CABYR: variants seen among roughly 807,000 people sequenced by gnomAD.
CABYR encodes the protein calcium binding tyrosine phosphorylation regulated, also known as calcium-binding tyrosine phosphorylation-regulated protein.
CABYR carries 31 observed loss-of-function variants against 36.1 expected under a neutral mutation model. The observed-to-expected ratio is 0.86, with a 90% CI of 0.64 to 1.16. The LOEUF (loss-of-function observed/expected upper bound fraction) is 1.16, where lower values mean the gene tolerates loss of function less well. CABYR is among the 50% of genes most tolerant of loss of function. The probability of loss-of-function intolerance (pLI) is 0.00; values close to 1 mark genes in which losing one functional copy is unlikely to be tolerated. For missense variants in CABYR, 429 were observed against 455.8 expected, an observed-to-expected ratio of 0.94 and a Z score of 0.53; for synonymous variants, 146 against 160.7, an observed-to-expected ratio of 0.91 and a Z score of 0.69.
intron 1 of CABYR, among the ~76,000 whole-genome samples, 196 bp downstream of exon 1, chr18:24,139,314 GGTGGGTCCGTCGCCCGCCTCTCTTGGACA>G (rs1406663181): frequency 6.6e-6 from 1 of 152,152 alleles, no homozygotes; most frequent in Non-Finnish European, 1.5e-5. Context: ...CTGAGGCCTC[GGTGGGTCCGTCGCCCGCCTCTCTTGGACA>G]AGTCCAGGCG....
At chr18:24,150,060 G>A (rs1232068408) in intron 3 of CABYR, among the ~76,000 whole-genome samples, 2 of 152,260 alleles carry the variant, frequency 1.3e-5, no homozygotes, top group Non-Finnish European at 1.5e-5. Flanking sequence ...CCAGGCAGAG[G>A]AGGCGCCAAG....
At chr18:24,142,123 C>T (rs2145850696) in intron 1 of CABYR, among the ~76,000 whole-genome samples, 1 of 152,202 alleles carries the variant, frequency 6.6e-6, no homozygotes, top group East Asian at 1.9e-4. Flanking sequence ...AGTTCAAGAC[C>T]AGCCTGGCCA....
At chr18:24,145,021 G>C (rs1286126841) in intron 3 of CABYR, among the ~76,000 whole-genome samples, 1 of 152,096 alleles carries the variant, frequency 6.6e-6, no homozygotes, top group Non-Finnish European at 1.5e-5. Context: ...TCATTTCATA[G>C]ACCTCATGTG....
At chr18:24,141,521 C>G (rs151120289) in intron 1 of CABYR, among the ~76,000 whole-genome samples, 73 of 152,252 alleles carry the variant, frequency 4.8e-4, no homozygotes, top group African/African-American at 1.7e-3. Context: ...ATTTAACCAC[C>G]TATCTCCTAT....
intron 3 of CABYR, chr18:24,150,486 T>C (rs751881022): frequency 6.3e-5 from 31 of 493,406 alleles, no homozygotes; most frequent in Non-Finnish European, 7.9e-5. Flanking sequence ...ATCATCTGCC[T>C]GTATCCTTAA....
At chr18:24,142,180 C>T (rs60696159) in intron 1 of CABYR, among the ~76,000 whole-genome samples, 35,683 of 151,708 alleles carry the variant, frequency 0.24, 4,646 homozygotes, top group East Asian at 0.43. Context: ...ATTAGCCGGG[C>T]GTGGTGGCCA....
chr18:24,143,074 C>A lies in CABYR; in HGVS notation c.-24-17C>A. 1.1e-5 allele frequency: 14 copies of A among 1,295,632 alleles called. No homozygotes were observed. The highest frequency in any genetic ancestry group is 1.3e-5 in the Non-Finnish European group (12 of 946,664). 80.3% of individuals were successfully genotyped at this position (1,295,632 alleles called of 1,614,324 possible). On this transcript the variant is annotated splice_polypyrimidine_tract_variant and intron_variant, in intron 1 of 5. Coordinates refer to ENST00000399496, the MANE Select transcript of CABYR (RefSeq NM_153769.3). The stretch of plus-strand genomic sequence containing the variant: ...TTAGTAAAACTAATTACTTCTAAGA[C>A]TTTTTCTTCATTCTAGTTGAGTTAC...
At chr18:24,156,119 C>G (rs371091135) in intron 4 of CABYR, 77 bp downstream of exon 4, 1 of 1,613,990 alleles carries the variant, frequency 6.2e-7, no homozygotes. Flanking sequence ...CTGTTGTTAT[C>G]AAGGAGGTGC....
intron 5 of CABYR, among the ~76,000 whole-genome samples, chr18:24,161,270 A>G (rs1303411635): frequency 6.6e-6 from 1 of 151,842 alleles, no homozygotes; most frequent in African/African-American, 2.4e-5. Context: ...GGAAAGACAA[A>G]ATTATCTTAT....
chr18:24,158,045 G>A (rs2085840036), intron 4 of CABYR, among the ~76,000 whole-genome samples: 1 of 152,192 alleles, frequency 6.6e-6, no homozygotes, highest in South Asian at 2.1e-4. Flanking sequence ...TGGGAGTGGA[G>A]CGTGTGGGAC....
At chr18:24,149,923 G>A (rs571309536) in intron 3 of CABYR, among the ~76,000 whole-genome samples, 292 of 152,326 alleles carry the variant, frequency 1.9e-3, no homozygotes, top group Non-Finnish European at 2.2e-3. Flanking sequence ...CCCGGTTCCC[G>A]CTGGCGCCTC....
At chr18:24,140,291 T>C (rs1376342312) in intron 1 of CABYR, 1 of 152,060 alleles carries the variant, frequency 6.6e-6, no homozygotes, top group Non-Finnish European at 1.5e-5. Context: ...ATTAGACATA[T>C]GATATATATG....
intron 1 of CABYR, among the ~76,000 whole-genome samples, chr18:24,142,882 A>C (rs1335738203): frequency 6.6e-6 from 1 of 151,806 alleles, no homozygotes; most frequent in Non-Finnish European, 1.5e-5. Context: ...AAATACAAAA[A>C]ATTAGCGGGG....
At chr18:24,160,751 GA>G (rs1313966247) in intron 5 of CABYR, 3 of 152,498 alleles carry the variant, frequency 2.0e-5, no homozygotes, top group Admixed American at 1.3e-4. Flanking sequence ...GTATTATGGA[GA>G]AAACAGGGTG....
rs1358104611 is a variant in CABYR at position 24,159,913 on chromosome 18, G to A, written c.983G>A (p.Ser328Asn). The A allele has an allele frequency of 1.9e-6, 3 of 1,614,116 alleles. No individual in the cohort carries two copies. In the South Asian group the frequency reaches 3.3e-5, roughly 18 times the overall value. Residue 328 changes from serine (S) to asparagine (N), a missense_variant, in exon 5 of 6, where the codon AGC (serine) becomes AAC (asparagine). By Grantham distance (46) the Ser-to-Asn change is conservative. Coordinates refer to ENST00000399496, the MANE Select transcript of CABYR (RefSeq NM_153769.3). ...PSGQDVPRPK[S>N]PVFLSVAFPV... ...GGACAAGATGTCCCCAGGCCAAAAA[G>A]CCCTGTTTTCCTTTCTGTTGCTTTC...
In CABYR at chr18:24,143,390, T is replaced by G. The variant is rs2085376636; in HGVS notation, c.176T>G (p.Val59Gly). 3.2e-6 allele frequency: 5 copies of G among 1,572,070 alleles called. No homozygotes were observed. The highest frequency in any genetic ancestry group is 4.3e-6 in the Non-Finnish European group (5 of 1,149,520). The change falls in exon 3 of 6, where the codon GTT (valine) becomes GGT (glycine). Residue 59 changes from valine (V) to glycine (G), a missense_variant. By Grantham distance (109) the Val-to-Gly change is moderately radical. Transcript: ENST00000399496. Reference sequence around the variant, plus strand: ...ACTACTATGGATATAAAAGATCTGGTTAAACAATTTCATCAGATTAAAGGT... The same window carrying G: ...ACTACTATGGATATAAAAGATCTGGGTAAACAATTTCATCAGATTAAAGGT... ...GNTTMDIKDL[V>G]KQFHQIKVEK...
intron 4 of CABYR, chr18:24,156,959 A>C: frequency 6.2e-7 from 1 of 1,610,496 alleles, no homozygotes; most frequent in Non-Finnish European, 8.5e-7. Context: ...AAATTGAACC[A>C]GAAGGGGAAT....
Position 24,155,969 on chromosome 18 carries a change from A to C in CABYR, c.468A>C (p.Pro156=). Residue 156 remains proline (P), a synonymous_variant, in exon 4 of 6, where the codon CCA becomes CCC. Coordinates refer to ENST00000399496, the MANE Select transcript of CABYR (RefSeq NM_153769.3). ...TPKTTTPPSS[P]PPTAVSPEFA... ...AGACTACTACCCCACCCTCATCACC[A>C]CCTCCAACAGCTGTCTCACCAGAGT... 1 of 1,613,794 alleles carries C rather than the reference A, an allele frequency of 6.2e-7. No individual in the cohort carries two copies. Among genetic ancestry groups the C allele is most frequent in the Non-Finnish European group, 8.5e-7 (1 of 1,179,968 alleles).
Position 24,160,320 on chromosome 18 carries a change from A to G in CABYR, c.1139+251A>G, listed in dbSNP as rs192573122. ...CCCGATACATGAAACTAATGAACTC[A>G]GTCACCTTTGAATACCTAGTCCATT... is the stretch of plus-strand genomic sequence containing the variant. On this transcript the variant is annotated intron_variant, in intron 5 of 5. Transcript: ENST00000399496. The G allele has an allele frequency of 1.4e-4, 65 of 475,984 alleles. No individual in the cohort carries two copies. In the East Asian group the frequency reaches 1.9e-3, roughly 14 times the overall value. 29.5% of individuals were successfully genotyped at this position (475,984 alleles called of 1,614,324 possible).
Sources: gnomAD v4.1 joint callset for allele counts (sites outside exome capture counted in the v4.1 genomes callset) on GRCh38, gnomAD v4.1.1 for gene constraint, MANE v1.5 for transcripts, NCBI Gene and HGNC (gene_info 2026-07-23, HGNC 2026-07-21) for gene names.